ZMAT4: variants seen among roughly 807,000 people sequenced by gnomAD.
The protein encoded by ZMAT4 is zinc finger matrin-type 4, also known as zinc finger matrin-type protein 4.
Under a neutral mutation model 28.7 loss-of-function variants are expected in ZMAT4, and 17 were observed. The observed-to-expected ratio is 0.59, with a 90% confidence interval of 0.41 to 0.89. The LOEUF (loss-of-function observed/expected upper bound fraction) is 0.89, where lower values mean the gene tolerates loss of function less well. Ranked by LOEUF, ZMAT4 falls within the 40% of genes least tolerant of loss-of-function variation. The pLI is 0.00. For missense variants in ZMAT4, 240 were observed against 283.8 expected, an observed-to-expected ratio of 0.85 and a Z score of 1.11; for synonymous variants, 117 against 109.2, an observed-to-expected ratio of 1.07 and a Z score of -0.44.
At chr8:40,816,362 ATATAATGAC>A (rs980304042) in intron 2 of ZMAT4, among the ~76,000 whole-genome samples, 3 of 152,154 alleles carry the variant, frequency 2.0e-5, no homozygotes, top group Non-Finnish European at 4.4e-5. Flanking sequence ...CTCCACTAAC[ATATAATGAC>A]TATAATGTAA....
intron 4 of ZMAT4, among the ~76,000 whole-genome samples, chr8:40,683,802 C>T (rs755147294): frequency 2.6e-5 from 4 of 152,162 alleles, no homozygotes; most frequent in South Asian, 2.1e-4. Flanking sequence ...CAGTGGCTCA[C>T]GCTTGTAATT....
chr8:40,868,940 C>G (rs939656731), intron 1 of ZMAT4, among the ~76,000 whole-genome samples: 11 of 152,186 alleles, frequency 7.2e-5, no homozygotes, highest in Non-Finnish European at 1.0e-4. Flanking sequence ...GCAGTATTGC[C>G]CATTATACCA....
intron 6 of ZMAT4, among the ~76,000 whole-genome samples, chr8:40,550,170 G>A (rs1049714718): frequency 3.3e-5 from 5 of 151,986 alleles, no homozygotes; most frequent in African/African-American, 1.2e-4. Flanking sequence ...AATGCAGCAG[G>A]GATTTTAAAG....
intron 3 of ZMAT4, among the ~76,000 whole-genome samples, chr8:40,711,404 T>C (rs1810615006): frequency 6.6e-6 from 1 of 152,126 alleles, no homozygotes; most frequent in South Asian, 2.1e-4. Flanking sequence ...CAATCAGATA[T>C]CATCTGCCTC....
chr8:40,855,713 T>C (rs1817272053), intron 1 of ZMAT4, among the ~76,000 whole-genome samples: 2 of 151,760 alleles, frequency 1.3e-5, no homozygotes, highest in Admixed American at 6.6e-5. Flanking sequence ...GGTTGCTCTG[T>C]TACCCAGGCT....
At chr8:40,625,263 A>C (rs1311125852) in intron 5 of ZMAT4, among the ~76,000 whole-genome samples, 1 of 146,380 alleles carries the variant, frequency 6.8e-6, no homozygotes, top group Non-Finnish European at 1.6e-5. Flanking sequence ...GGAGGCAGGA[A>C]GGAGCTAGAT....
chr8:40,700,404 T>G (rs1269415932), intron 3 of ZMAT4, among the ~76,000 whole-genome samples: 1 of 135,192 alleles, frequency 7.4e-6, no homozygotes, highest in Non-Finnish European at 1.6e-5. Flanking sequence ...GGGAAGCTGC[T>G]GCTTTTCTTT....
chr8:40,718,486 T>C (rs1220964990), intron 3 of ZMAT4, among the ~76,000 whole-genome samples: 2 of 147,734 alleles, frequency 1.4e-5, no homozygotes, highest in African/African-American at 5.1e-5. Flanking sequence ...TGTCAAATGA[T>C]TTAGGAAACT....
intron 6 of ZMAT4, among the ~76,000 whole-genome samples, chr8:40,532,908 C>T (rs1356871905): frequency 3.3e-5 from 5 of 151,602 alleles, no homozygotes; most frequent in Non-Finnish European, 7.4e-5. Flanking sequence ...GCAGGAGAAT[C>T]GCTTGAACCT....
intron 2 of ZMAT4, among the ~76,000 whole-genome samples, chr8:40,820,049 T>C (rs1815691809): frequency 6.6e-6 from 1 of 152,108 alleles, no homozygotes; most frequent in South Asian, 2.1e-4. Flanking sequence ...CAGTATAACA[T>C]TGATGAGGAA....
intron 3 of ZMAT4, among the ~76,000 whole-genome samples, chr8:40,725,658 A>C (rs892054694): frequency 2.6e-5 from 4 of 152,012 alleles, no homozygotes; most frequent in Non-Finnish European, 5.9e-5. Context: ...TAAAGTCATG[A>C]TTTCCAGGAG....
intron 6 of ZMAT4, among the ~76,000 whole-genome samples, chr8:40,552,715 G>A (rs1016901082): frequency 6.6e-6 from 1 of 152,112 alleles, no homozygotes; most frequent in Admixed American, 6.5e-5. Flanking sequence ...ATCAGCACAG[G>A]CAACTACACA....
At position 40,799,323 on chromosome 8, in the gene ZMAT4, A is replaced by G. The variant is rs75868692; in HGVS notation, c.102+26252T>C. On this transcript the variant is annotated intron_variant, in intron 2 of 6. Transcript: ENST00000297737. ...TATCCAAAACTATATTTAGATATCA[A>G]TGATGTTTAGATAGTTTAAAACTGT... Among the ~76,000 whole-genome samples the G allele has an allele frequency of 9.8e-4, 150 of 152,376 alleles. 1 individual carries two copies. In the East Asian group the frequency reaches 0.022, roughly 22 times the overall value.
intron 1 of ZMAT4, among the ~76,000 whole-genome samples, chr8:40,894,293 C>T (rs998151237): frequency 2.0e-5 from 3 of 152,220 alleles, no homozygotes; most frequent in Admixed American, 1.3e-4. Flanking sequence ...AACTTGGGGA[C>T]AGGATTACCT....
intron 1 of ZMAT4, among the ~76,000 whole-genome samples, chr8:40,855,210 C>G (rs1243563872): frequency 6.6e-6 from 1 of 152,152 alleles, no homozygotes; most frequent in Non-Finnish European, 1.5e-5. Flanking sequence ...GACCAGGAGC[C>G]ATTTGAGCCT....
At chr8:40,707,662 A>G (rs1192836120) in intron 3 of ZMAT4, among the ~76,000 whole-genome samples, 2 of 152,200 alleles carry the variant, frequency 1.3e-5, no homozygotes, top group East Asian at 3.8e-4. Context: ...AAGTATGTGT[A>G]TGTATGTCTG....
At chr8:40,862,682 GA>G (rs1316380660) in intron 1 of ZMAT4, among the ~76,000 whole-genome samples, 2 of 149,970 alleles carry the variant, frequency 1.3e-5, no homozygotes, top group Non-Finnish European at 3.0e-5. Flanking sequence ...GGACATGGAT[GA>G]AGCTGGAAAC....
intron 3 of ZMAT4, among the ~76,000 whole-genome samples, chr8:40,743,641 G>C (rs966404920): frequency 6.6e-6 from 1 of 152,222 alleles, no homozygotes; most frequent in Non-Finnish European, 1.5e-5. Context: ...TCCTCACAGA[G>C]AGTTGGAAGC....
At position 40,592,635 on chromosome 8, in the gene ZMAT4, A is replaced by T. The variant is rs796467330; in HGVS notation, c.578-11374T>A. Among the ~76,000 whole-genome samples the T allele has an allele frequency of 2.6e-5, 4 of 152,336 alleles. 1 individual carries two copies. Among genetic ancestry groups the T allele is most frequent in the African/African-American group, 9.6e-5 (4 of 41,576 alleles). The stretch of plus-strand genomic sequence containing the variant: ...AAAGCTAGGGAATAAATTTATTCTC[A>T]GTCATTAAAAGACAATTTTAGCCAT... On this transcript the variant is annotated intron_variant, in intron 5 of 6. Transcript: ENST00000297737.
Sources: gnomAD v4.1 joint callset for allele counts (sites outside exome capture counted in the v4.1 genomes callset) on GRCh38, gnomAD v4.1.1 for gene constraint, MANE v1.5 for transcripts, NCBI Gene and HGNC (gene_info 2026-07-23, HGNC 2026-07-21) for gene names.